The following DTNB variants were observed in gnomAD, a reference collection of about 807,000 sequenced individuals.
DTNB encodes DTN-B.
In DTNB, 63 loss-of-function variants were observed where a neutral mutation model predicts 90.7. The ratio of observed to expected loss-of-function variants is 0.69; its 90% confidence interval spans 0.57 to 0.86. The LOEUF (loss-of-function observed/expected upper bound fraction) is 0.86, where lower values mean the gene tolerates loss of function less well. Among genes scored for constraint, DTNB ranks in the 40% least tolerant of loss-of-function variants. The probability of loss-of-function intolerance (pLI) is 0.00; values close to 1 mark genes in which losing one functional copy is unlikely to be tolerated. For missense variants in DTNB, 744 were observed against 807.1 expected (o/e 0.92, Z 0.95); for synonymous variants, 277 against 286.7 (o/e 0.97, Z 0.34).
chr2:25,624,648 T>C (rs1172189392), intron 4 of DTNB, among the ~76,000 whole-genome samples: 2 of 152,000 alleles, frequency 1.3e-5, no homozygotes, highest in African/African-American at 4.8e-5. Flanking sequence ...AACACAAAGG[T>C]TGGAAATAGA....
chr2:25,603,376 T>C (rs963552256), intron 5 of DTNB, among the ~76,000 whole-genome samples: 3 of 152,184 alleles, frequency 2.0e-5, no homozygotes, highest in African/African-American at 4.8e-5. Flanking sequence ...TTATAAATCA[T>C]TGGTATTTAG....
chr2:25,618,299 G>A (rs893656069), intron 4 of DTNB, among the ~76,000 whole-genome samples: 2 of 152,110 alleles, frequency 1.3e-5, no homozygotes, highest in Admixed American at 6.6e-5. Context: ...GATACCGCCC[G>A]ACTTTGTTCT....
chr2:25,526,395 A>ATATATATATATATATATATTT, intron 9 of DTNB, among the ~76,000 whole-genome samples: 6 of 49,814 alleles, frequency 1.2e-4, no homozygotes, highest in Non-Finnish European at 1.7e-4. Context: ...ATATATATAT[A>ATATATATATATATATATATTT]TTTTTTTTTT....
At chr2:25,545,749 G>A (rs1572377047) in intron 8 of DTNB, among the ~76,000 whole-genome samples, 1 of 152,140 alleles carries the variant, frequency 6.6e-6, no homozygotes, top group Non-Finnish European at 1.5e-5. Context: ...AGCCTCCTGA[G>A]TAGCTGGGAC....
At chr2:25,463,511 T>G (rs943392235) in intron 10 of DTNB, among the ~76,000 whole-genome samples, 2 of 152,240 alleles carry the variant, frequency 1.3e-5, no homozygotes, top group Admixed American at 6.5e-5. Flanking sequence ...GAAAATGTTC[T>G]AAAACTGATT....
intron 8 of DTNB, among the ~76,000 whole-genome samples, chr2:25,557,046 A>C (rs2057478468): frequency 1.3e-5 from 2 of 152,274 alleles, no homozygotes; most frequent in South Asian, 4.1e-4. Flanking sequence ...GACAGCAGAC[A>C]GTTCTCTGGC....
intron 15 of DTNB, 22 bp from the exon 16 acceptor site, chr2:25,419,557 A>G: frequency 6.4e-7 from 1 of 1,553,032 alleles, no homozygotes; most frequent in African/African-American, 1.4e-5. Context: ...AAGATGAAAA[A>G]AAAAGGCAGA....
At chr2:25,434,207 C>T (rs533999703) in intron 12 of DTNB, among the ~76,000 whole-genome samples, 3 of 152,102 alleles carry the variant, frequency 2.0e-5, no homozygotes, top group African/African-American at 4.8e-5. Flanking sequence ...TTTCCATCAC[C>T]GCAAAAAATT....
chr2:25,395,088 A>G (rs2042052089), intron 16 of DTNB, among the ~76,000 whole-genome samples: 1 of 152,208 alleles, frequency 6.6e-6, no homozygotes, highest in Non-Finnish European at 1.5e-5. Flanking sequence ...AGCCACCTGG[A>G]TGGAATTGGA....
chr2:25,611,246 A>G (rs1329887621), intron 4 of DTNB, among the ~76,000 whole-genome samples: 3 of 152,208 alleles, frequency 2.0e-5, no homozygotes, highest in Non-Finnish European at 4.4e-5. Flanking sequence ...TTCAAACTCT[A>G]TATTTTAAAC....
intron 16 of DTNB, among the ~76,000 whole-genome samples, chr2:25,412,140 G>C (rs2046773565): frequency 6.6e-6 from 1 of 152,166 alleles, no homozygotes; most frequent in Admixed American, 6.5e-5. Flanking sequence ...TATTCATGAG[G>C]TTTATGTGAG....
intron 6 of DTNB, among the ~76,000 whole-genome samples, chr2:25,592,968 G>C (rs2063837461): frequency 6.6e-6 from 1 of 152,134 alleles, no homozygotes; most frequent in Admixed American, 6.5e-5. Flanking sequence ...TTCCAAAATA[G>C]ATCGGTTTCA....
At chr2:25,578,448 T>G (rs1055421952) in intron 7 of DTNB, among the ~76,000 whole-genome samples, 2 of 152,254 alleles carry the variant, frequency 1.3e-5, no homozygotes, top group Non-Finnish European at 2.9e-5. Flanking sequence ...CCAATATTTA[T>G]AATTCTAAGT....
At chr2:25,447,835 C>G (rs1015907923) in intron 12 of DTNB, among the ~76,000 whole-genome samples, 2 of 151,922 alleles carry the variant, frequency 1.3e-5, no homozygotes, top group Non-Finnish European at 2.9e-5. Context: ...AACATATTCA[C>G]CAAGGGTATA....
intron 9 of DTNB, among the ~76,000 whole-genome samples, chr2:25,491,921 C>T (rs2067596988): frequency 6.6e-6 from 1 of 151,138 alleles, no homozygotes; most frequent in African/African-American, 2.4e-5. Context: ...AAAACTGAGG[C>T]ATGGAGAAAA....
intron 14 of DTNB, among the ~76,000 whole-genome samples, chr2:25,431,088 A>G (rs541440505): frequency 3.9e-5 from 6 of 152,322 alleles, no homozygotes; most frequent in African/African-American, 1.4e-4. Flanking sequence ...GTCTTTTGAT[A>G]AGCAAAAGTT....
chr2:25,469,811 C>T (rs2062456335), intron 10 of DTNB, among the ~76,000 whole-genome samples: 1 of 152,160 alleles, frequency 6.6e-6, no homozygotes, highest in Admixed American at 6.5e-5. Flanking sequence ...AAGCAGGGGA[C>T]TGTCATGATT....
chr2:25,652,153 A>G (rs1401780852), intron 2 of DTNB, among the ~76,000 whole-genome samples: 3 of 152,218 alleles, frequency 2.0e-5, no homozygotes, highest in Admixed American at 2.0e-4. Flanking sequence ...AAATATATCA[A>G]AATACACATT....
chr2:25,668,197 C>A (rs1006032328), intron 1 of DTNB, among the ~76,000 whole-genome samples: 1 of 152,090 alleles, frequency 6.6e-6, no homozygotes, highest in Non-Finnish European at 1.5e-5. Context: ...CGAGATCGCG[C>A]CACTGCACTC....
Sources: allele counts gnomAD v4.1 joint callset (sites outside exome capture counted in the v4.1 genomes callset), GRCh38; gene constraint gnomAD v4.1.1; transcripts MANE v1.5; gene names NCBI Gene and HGNC (gene_info 2026-07-23, HGNC 2026-07-21).